Variants in ADAMTS16 observed in about 807,000 individuals in gnomAD.
ADAMTS16 encodes the protein A disintegrin and metalloproteinase with thrombospondin motifs 16.
In ADAMTS16, 94 loss-of-function variants were observed where a neutral mutation model predicts 145.8. The observed-to-expected ratio is 0.64, with a 90% CI of 0.55 to 0.77. The LOEUF is 0.77. Among genes scored for constraint, ADAMTS16 ranks in the 30% least tolerant of loss-of-function variants. ADAMTS16 has a pLI of 0.00. For synonymous variants in ADAMTS16, 659 were observed against 604.3 expected (o/e 1.09, Z -1.33); for missense variants, 1,585 against 1,591.5 (o/e 1.00, Z 0.07).
intron 18 of ADAMTS16, among the ~76,000 whole-genome samples, chr5:5,271,676 A>G (rs1392088802): frequency 6.6e-6 from 1 of 152,232 alleles, no homozygotes; most frequent in Non-Finnish European, 1.5e-5. Context: ...CTGCCAGGAC[A>G]GGGGATTGAA....
intron 18 of ADAMTS16, among the ~76,000 whole-genome samples, chr5:5,286,947 A>G (rs1489686641): frequency 3.3e-5 from 5 of 152,056 alleles, no homozygotes; most frequent in Non-Finnish European, 7.4e-5. Flanking sequence ...AAAAGATTCA[A>G]CCAATGAGTA....
intron 3 of ADAMTS16, among the ~76,000 whole-genome samples, chr5:5,160,831 C>A (rs1450691648): frequency 6.6e-6 from 1 of 151,350 alleles, no homozygotes; most frequent in Non-Finnish European, 1.5e-5. Context: ...TGAGAACTGG[C>A]AAACCCAGCT....
intron 9 of ADAMTS16, among the ~76,000 whole-genome samples, chr5:5,206,184 T>C (rs1211904471): frequency 1.3e-5 from 2 of 151,470 alleles, no homozygotes; most frequent in Non-Finnish European, 2.9e-5. Flanking sequence ...CCCAGCACTT[T>C]GGGAGGCCGA....
chr5:5,153,376 C>T (rs183058476), intron 3 of ADAMTS16, among the ~76,000 whole-genome samples: 1 of 151,406 alleles, frequency 6.6e-6, no homozygotes, highest in Admixed American at 6.6e-5. Context: ...TCCCAAAGTT[C>T]TTGTTAAACA....
At chr5:5,271,431 C>T (rs1738471514) in intron 18 of ADAMTS16, among the ~76,000 whole-genome samples, 1 of 152,274 alleles carries the variant, frequency 6.6e-6, no homozygotes, top group African/African-American at 2.4e-5. Flanking sequence ...CACACGGAGG[C>T]TCCTCCCTGC....
intron 21 of ADAMTS16, among the ~76,000 whole-genome samples, chr5:5,315,006 A>T (rs1733987578): frequency 6.6e-6 from 1 of 152,226 alleles, no homozygotes; most frequent in South Asian, 2.1e-4. Flanking sequence ...CACGCTGCTA[A>T]TGAAGACATC....
chr5:5,280,162 C>A (rs1738849877), intron 18 of ADAMTS16, among the ~76,000 whole-genome samples: 1 of 152,014 alleles, frequency 6.6e-6, no homozygotes, highest in South Asian at 2.1e-4. Flanking sequence ...ATCCTGAATC[C>A]TGAATCCTGA....
chr5:5,313,576 G>A (rs1740542839), intron 21 of ADAMTS16, among the ~76,000 whole-genome samples: 1 of 152,158 alleles, frequency 6.6e-6, no homozygotes, highest in Admixed American at 6.5e-5. Flanking sequence ...GGCAGTGTGG[G>A]GGGTGGGGGC....
intron 16 of ADAMTS16, 108 bp downstream of exon 16, chr5:5,240,033 A>G: frequency 6.7e-7 from 1 of 1,494,910 alleles, no homozygotes; most frequent in South Asian, 1.3e-5. Context: ...AACAGTTATA[A>G]AAAGAGTGAT....
chr5:5,309,509 A>G (rs546246977), intron 21 of ADAMTS16, among the ~76,000 whole-genome samples: 24 of 152,086 alleles, frequency 1.6e-4, no homozygotes, highest in Non-Finnish European at 2.2e-4. Context: ...TTTTAAAGGA[A>G]AGGCAAATTC....
intron 3 of ADAMTS16, among the ~76,000 whole-genome samples, chr5:5,158,727 A>T (rs1360103454): frequency 6.6e-5 from 10 of 152,262 alleles, no homozygotes; most frequent in Non-Finnish European, 1.3e-4. Flanking sequence ...ATACACTTTA[A>T]GTAACATGAT....
chr5:5,305,170 A>G (rs1740031904), intron 20 of ADAMTS16, among the ~76,000 whole-genome samples: 1 of 72,572 alleles, frequency 1.4e-5, no homozygotes, highest in East Asian at 5.2e-4. Context: ...CACATATCCC[A>G]CACCACACAC....
chr5:5,263,176 G>A (rs921202154), intron 18 of ADAMTS16, among the ~76,000 whole-genome samples: 3 of 152,200 alleles, frequency 2.0e-5, no homozygotes, highest in African/African-American at 7.2e-5. Flanking sequence ...TGCCAGTGGG[G>A]AAGGAACCCT....
chr5:5,202,875 A>C (rs888343167), intron 9 of ADAMTS16, among the ~76,000 whole-genome samples: 1 of 152,238 alleles, frequency 6.6e-6, no homozygotes, highest in Non-Finnish European at 1.5e-5. Context: ...AGACTCATGG[A>C]AAGAAGATAA....
At position 5,319,324 on chromosome 5, in the gene ADAMTS16, T is replaced by C. The variant is rs1472607975; in HGVS notation, c.*186T>C. On this transcript the variant is annotated 3_prime_UTR_variant, in exon 23 of 23. Coordinates refer to ENST00000274181, the MANE Select transcript of ADAMTS16 (RefSeq NM_139056.4). ...CTGTGAGCCTGGGTGCAGACCTGTG[T>C]CCCCATGCACACAGTGTCTCCTGTC... The C allele has an allele frequency of 8.6e-6, 5 of 582,494 alleles. No individual in the cohort carries two copies. Among genetic ancestry groups the C allele is most frequent in the Non-Finnish European group, 1.2e-5 (4 of 323,220 alleles). The allele number at this position is 582,494 out of a possible 1,614,324, so 36.1% of individuals were successfully genotyped here.
intron 6 of ADAMTS16, 94 bp downstream of exon 6, chr5:5,187,902 C>A (rs1735552306): frequency 1.2e-6 from 1 of 822,738 alleles, no homozygotes; most frequent in South Asian, 1.8e-5. Flanking sequence ...TCTATGGGTT[C>A]TTCTCTCTCG....
intron 5 of ADAMTS16, among the ~76,000 whole-genome samples, chr5:5,186,573 G>A (rs1408369305): frequency 6.6e-6 from 1 of 152,148 alleles, no homozygotes; most frequent in African/African-American, 2.4e-5. Context: ...AGCCACTGTA[G>A]TGCAGTAAAT....
intron 3 of ADAMTS16, among the ~76,000 whole-genome samples, chr5:5,173,796 A>G (rs1735114822): frequency 6.6e-6 from 1 of 152,202 alleles, no homozygotes. Flanking sequence ...AGGATTGCAT[A>G]AACAAACTAA....
chr5:5,302,574 C>T (rs973401278), intron 18 of ADAMTS16, among the ~76,000 whole-genome samples: 12 of 152,004 alleles, frequency 7.9e-5, no homozygotes, highest in Non-Finnish European at 1.5e-4. Context: ...GGGAAAGATC[C>T]GGTTTCTTTA....
Sources: allele counts gnomAD v4.1 joint callset (sites outside exome capture counted in the v4.1 genomes callset), GRCh38; gene constraint gnomAD v4.1.1; transcripts MANE v1.5; gene names NCBI Gene and HGNC (gene_info 2026-07-23, HGNC 2026-07-21).